The following AKNA variants were observed in gnomAD, a reference collection of about 807,000 sequenced individuals.
AKNA encodes the protein AT-hook transcription factor.
A neutral mutation model predicts 138.8 loss-of-function variants in AKNA; 67 were observed. The ratio of observed to expected loss-of-function variants is 0.48; its 90% CI spans 0.40 to 0.59. The LOEUF (loss-of-function observed/expected upper bound fraction) is 0.59. Among genes scored for constraint, AKNA ranks in the 20% least tolerant of loss-of-function variants. The probability of loss-of-function intolerance (pLI) is 0.00; values close to 1 mark genes in which losing one functional copy is unlikely to be tolerated. For missense variants in AKNA, 1,813 were observed against 1,880.4 expected (o/e 0.96, Z 0.66); for synonymous variants, 737 against 754.4 (o/e 0.98, Z 0.38).
At chr9:114,371,410 T>A (rs1313578811) in intron 4 of AKNA, among the ~76,000 whole-genome samples, 1 of 152,264 alleles carries the variant, frequency 6.6e-6, no homozygotes, top group Non-Finnish European at 1.5e-5. Flanking sequence ...ACATCACCTA[T>A]GACCATTCTT....
Position 114,377,301 on chromosome 9 carries a change from C to T in AKNA, c.506G>A (p.Arg169Lys). The change falls in exon 3 of 22, where the codon AGG (arginine) becomes AAG (lysine). Residue 169 changes from arginine (R) to lysine (K), a missense_variant. Arg to Lys is a conservative substitution (Grantham distance 26, BLOSUM62 2). Coordinates refer to ENST00000374088, the MANE Select transcript of AKNA (RefSeq NM_001317950.2). ...TTGTTCGCCAGAAGCCACCCAGCCC[C>T]TGGCCTGACCATGCCCAAGAGCCAT... is the stretch of plus-strand genomic sequence containing the variant. ...SPMALGHGQA[R>K]GWVASGEQAS... 7.4e-6 allele frequency: 12 copies of T among 1,614,148 alleles called. No individual in the cohort carries two copies. The highest frequency in any genetic ancestry group is 1.0e-5 in the Non-Finnish European group (12 of 1,180,004).
At position 114,383,686 on chromosome 9, in the gene AKNA, C is replaced by T. The variant is rs180737703; in HGVS notation, c.-113-2240G>A. Among the ~76,000 whole-genome samples, 3 of 152,290 alleles carry T rather than the reference C, an allele frequency of 2.0e-5. No homozygotes were observed. In the East Asian group the frequency reaches 5.8e-4, roughly 29 times the overall value. On this transcript the variant is annotated intron_variant, in intron 1 of 21. Transcript: ENST00000374088. ...CCAGGACAGAAGGTCTGTGTTTGTC[C>T]CTTTATCCTCATGAACACTTGGATC...
At chr9:114,371,838 C>T (rs1007805375) in intron 4 of AKNA, among the ~76,000 whole-genome samples, 3 of 152,002 alleles carry the variant, frequency 2.0e-5, no homozygotes, top group African/African-American at 4.8e-5. Flanking sequence ...TGAAATGGCT[C>T]GGTGGGTTCT....
rs1016823540 is a variant in AKNA, at chr9:114,379,484, G to A, written c.274+1576C>T. 2.0e-5 allele frequency among the ~76,000 whole-genome samples: 3 copies of A among 152,312 alleles called. No individual in the cohort carries two copies. The East Asian group carries it at 5.8e-4, about 29-fold the overall frequency. On this transcript the variant is annotated intron_variant, in intron 2 of 21. Transcript: ENST00000374088. Reference sequence around the variant, plus strand: ...GTCACCATCCCCTGCTGGAGAGAGAGCTCAGAAATGGCTCCTCAGTGGGCA... The same window carrying A: ...GTCACCATCCCCTGCTGGAGAGAGAACTCAGAAATGGCTCCTCAGTGGGCA...
At chr9:114,382,570 G>A (rs939099464) in intron 1 of AKNA, among the ~76,000 whole-genome samples, 1 of 143,440 alleles carries the variant, frequency 7.0e-6, no homozygotes, top group African/African-American at 2.7e-5. Context: ...GCAACAAAGT[G>A]AGACCCTGTC....
At chr9:114,361,605 GCA>G in intron 9 of AKNA, 97 bp downstream of exon 9, 1 of 1,354,946 alleles carries the variant, frequency 7.4e-7, no homozygotes, top group South Asian at 1.2e-5. Context: ...CTGGCATATG[GCA>G]CACACTTCAT....
In AKNA at chr9:114,355,934, C is replaced by A; in HGVS notation, c.3049G>T (p.Ala1017Ser). 6.2e-7 allele frequency: 1 copy of A among 1,614,200 alleles called. No homozygotes were observed. ...PNFSLERTLA[A>S]EMAVPGSEFE... ...AGACTCCTGCACTCACCCATCTCGG[C>A]TGCCAGTGTCCGCTCCAGGCTGAAG... Residue 1017 changes from alanine (A) to serine (S), a missense_variant, in exon 14 of 22, where the codon GCC becomes TCC. Coordinates refer to ENST00000374088, the MANE Select transcript of AKNA (RefSeq NM_001317950.2).
chr9:114,359,927 T>C lies in AKNA; in HGVS notation c.2260A>G (p.Met754Val). 3 of 1,614,216 alleles carry C rather than the reference T, an allele frequency of 1.9e-6. No individual in the cohort carries two copies. Among genetic ancestry groups the C allele is most frequent in the East Asian group, 2.2e-5 (1 of 44,882 alleles). The change falls in exon 10 of 22, where the codon ATG becomes GTG. Residue 754 changes from methionine (M) to valine (V), a missense_variant. Met to Val is a conservative substitution (Grantham distance 21). Transcript: ENST00000374088. ...LARLRHKELQMEQVYHGLMER... is the reference protein window; with the variant it reads ...LARLRHKELQVEQVYHGLMER... Reference sequence around the variant, plus strand: ...ATGAGGCCATGGTAAACTTGCTCCATCTGCAGCTCCTTGTGCCTGAGTCGG... The same window carrying C: ...ATGAGGCCATGGTAAACTTGCTCCACCTGCAGCTCCTTGTGCCTGAGTCGG...
chr9:114,350,769 C>T (rs1831054381), intron 15 of AKNA, 90 bp downstream of exon 15: 1 of 1,403,566 alleles, frequency 7.1e-7, no homozygotes, highest in Non-Finnish European at 9.5e-7. Flanking sequence ...GTGAGCTGGG[C>T]AGGTCTCCAC....
chr9:114,332,270 C>T (rs1829866582), downstream of AKNA, among the ~76,000 whole-genome samples: 1 of 152,076 alleles, frequency 6.6e-6, no homozygotes, highest in Non-Finnish European at 1.5e-5. Context: ...TTTCACCCCA[C>T]CTCCACTCCC....
chr9:114,394,507 T>C (rs1834468578), upstream of AKNA: 1 of 152,196 alleles, frequency 6.6e-6, no homozygotes, highest in Non-Finnish European at 1.5e-5. Flanking sequence ...TCCTCCTCTG[T>C]TTAAACTCTA....
chr9:114,331,721 C>G (rs751517453), downstream of AKNA: 10 of 1,582,238 alleles, frequency 6.3e-6, no homozygotes, highest in Non-Finnish European at 8.7e-6. Flanking sequence ...TCAGGCCTCA[C>G]CCCCCATTCA....
At chr9:114,337,411 G>T in intron 21 of AKNA, 105 bp from the exon 22 acceptor site, 1 of 1,216,708 alleles carries the variant, frequency 8.2e-7, no homozygotes, top group Non-Finnish European at 1.1e-6. Context: ...AGCTGGGCCA[G>T]TGGCTCCTAC....
At chr9:114,380,757 C>T (rs973860576) in intron 2 of AKNA, among the ~76,000 whole-genome samples, 36 of 148,862 alleles carry the variant, frequency 2.4e-4, no homozygotes, top group Non-Finnish European at 4.7e-4. Flanking sequence ...GGGCGGATCA[C>T]GAGGTCAAGA....
chr9:114,376,732 G>C lies in AKNA; in HGVS notation c.1075C>G (p.Pro359Ala), dbSNP rs759796201. The stretch of plus-strand genomic sequence containing the variant: ...CGGGGCCCTACCTTGGAGAAATCAG[G>C]GAGTGGGTAGTTCAACTGCCCCCGG... ...YGRGQLNYPL[P>A]DFSKVGPRVR... Residue 359 changes from proline (P) to alanine (A), a missense_variant, in exon 3 of 22, where the codon CCT (proline) becomes GCT (alanine). Coordinates refer to ENST00000374088, the MANE Select transcript of AKNA (RefSeq NM_001317950.2). 6.2e-7 allele frequency: 1 copy of C among 1,612,832 alleles called. No individual in the cohort carries two copies. The highest frequency in any genetic ancestry group is 2.2e-5 in the East Asian group (1 of 44,852).
downstream of AKNA, chr9:114,331,664 G>A (rs1244678663): frequency 6.2e-7 from 1 of 1,613,430 alleles, no homozygotes; most frequent in Non-Finnish European, 8.5e-7. Context: ...ACTGGGGGCT[G>A]TCTTTCTATG....
chr9:114,347,694 G>A, intron 16 of AKNA, 30 bp downstream of exon 16: 1 of 1,500,346 alleles, frequency 6.7e-7, no homozygotes, highest in Non-Finnish European at 8.9e-7. Flanking sequence ...CTGCCACCAG[G>A]ACAGAGGTGG....
chr9:114,347,732 A>C lies in AKNA; in HGVS notation c.3390T>G (p.His1130Gln). ...PADSPATWGSHYGSKSTERLP... is the reference protein window; with the variant it reads ...PADSPATWGSQYGSKSTERLP... ...GTTTTGAGGTCACCCACCTGCCATA[A>C]TGGGAGCCCCAGGTGGCTGGGGAGT... Residue 1130 changes from histidine to glutamine, a missense_variant, in exon 16 of 22, where the codon CAT becomes CAG. His to Gln is a conservative substitution (Grantham distance 24). Transcript: ENST00000374088. 1.3e-6 allele frequency: 2 copies of C among 1,529,206 alleles called. No individual in the cohort carries two copies. The highest frequency in any genetic ancestry group is 1.8e-6 in the Non-Finnish European group (2 of 1,137,282). 94.7% of individuals were successfully genotyped at this position (1,529,206 alleles called of 1,614,324 possible).
intron 14 of AKNA, among the ~76,000 whole-genome samples, chr9:114,354,865 G>A (rs1831377978): frequency 1.3e-5 from 2 of 148,188 alleles, no homozygotes; most frequent in South Asian, 4.2e-4. Flanking sequence ...GGTGCTATAC[G>A]GTACTTTTTT....
Sources: allele counts gnomAD v4.1 joint callset (sites outside exome capture counted in the v4.1 genomes callset), GRCh38; gene constraint gnomAD v4.1.1; transcripts MANE v1.5; gene names NCBI Gene and HGNC (gene_info 2026-07-23, HGNC 2026-07-21).